NSMCE2: variants seen among roughly 807,000 people sequenced by gnomAD.
The protein encoded by NSMCE2 is E3 SUMO-protein ligase NSE2.
A neutral mutation model predicts 23.8 loss-of-function variants in NSMCE2; 24 were observed. That is an observed-to-expected ratio of 1.01 (90% CI 0.73 to 1.42). The LOEUF is 1.42. Ranked by LOEUF, NSMCE2 falls within the 40% of genes most tolerant of loss-of-function variation. The probability of loss-of-function intolerance (pLI) is 0.00; values close to 1 mark genes in which losing one functional copy is unlikely to be tolerated. For missense variants in NSMCE2, 284 were observed against 296.5 expected, an observed-to-expected ratio of 0.96 and a Z score of 0.31; for synonymous variants, 92 against 94.1, an observed-to-expected ratio of 0.98 and a Z score of 0.13.
chr8:125,116,064 TATCTGTA>T (rs1818993125), intron 3 of NSMCE2, among the ~76,000 whole-genome samples: 1 of 152,192 alleles, frequency 6.6e-6, no homozygotes, highest in African/African-American at 2.4e-5. Flanking sequence ...GACCTCGATT[TATCTGTA>T]GTCTCTTTCC....
intron 4 of NSMCE2, among the ~76,000 whole-genome samples, chr8:125,167,176 G>A (rs1245340191): frequency 6.6e-6 from 1 of 152,196 alleles, no homozygotes. Flanking sequence ...TTTACCACCA[G>A]ATAAGCTTTG....
intron 5 of NSMCE2, among the ~76,000 whole-genome samples, chr8:125,215,723 G>T (rs930400297): frequency 1.3e-4 from 20 of 152,300 alleles, no homozygotes; most frequent in African/African-American, 4.8e-4. Flanking sequence ...AAGGTGTAAG[G>T]AAGGGATCCA....
At chr8:125,316,731 T>TC (rs1563780274) in intron 5 of NSMCE2, among the ~76,000 whole-genome samples, 17 of 18,174 alleles carry the variant, frequency 9.4e-4, no homozygotes, top group African/African-American at 2.2e-3. Flanking sequence ...TCTTTCCTTC[T>TC]TTTCCTTCCT....
chr8:125,192,329 G>GTT (rs34715537), intron 5 of NSMCE2, among the ~76,000 whole-genome samples: 2,792 of 143,022 alleles, frequency 0.02, 38 homozygotes, highest in Non-Finnish European at 0.029. Flanking sequence ...TTTTTAAAAG[G>GTT]TTTTTTTTTT....
chr8:125,296,408 T>TG (rs1828328609), intron 5 of NSMCE2, among the ~76,000 whole-genome samples: 1 of 150,862 alleles, frequency 6.6e-6, no homozygotes, highest in Non-Finnish European at 1.5e-5. Flanking sequence ...TTTTTTTTTT[T>TG]TTTTGAAACG....
intron 5 of NSMCE2, among the ~76,000 whole-genome samples, chr8:125,235,113 C>T (rs890673405): frequency 1.3e-5 from 2 of 151,864 alleles, no homozygotes; most frequent in African/African-American, 4.8e-5. Context: ...TGTTGGCACA[C>T]GCCTGTAATC....
intron 4 of NSMCE2, among the ~76,000 whole-genome samples, chr8:125,168,171 A>G (rs1291293722): frequency 1.3e-5 from 2 of 152,188 alleles, no homozygotes; most frequent in African/African-American, 4.8e-5. Flanking sequence ...TCCTAAGAGC[A>G]TAATGTCTAT....
chr8:125,129,570 G>A (rs1010143054), intron 3 of NSMCE2, among the ~76,000 whole-genome samples: 2 of 151,834 alleles, frequency 1.3e-5, no homozygotes, highest in African/African-American at 4.8e-5. Context: ...GTGTGTGTGT[G>A]TGTGTGTGTC....
At chr8:125,110,462 A>C (rs1818676415) in intron 3 of NSMCE2, among the ~76,000 whole-genome samples, 1 of 152,234 alleles carries the variant, frequency 6.6e-6, no homozygotes, top group Non-Finnish European at 1.5e-5. Context: ...TACATACTTA[A>C]CTGGTGCTCT....
intron 5 of NSMCE2, among the ~76,000 whole-genome samples, chr8:125,235,918 G>A (rs16900457): frequency 0.097 from 14,728 of 152,214 alleles, 918 homozygotes; most frequent in South Asian, 0.17. Context: ...GTAGGTAAGA[G>A]TCCACATTTT....
At chr8:125,158,382 A>AAAAAGGAGAGAAGGAAATGTTTGAGAGG in intron 4 of NSMCE2, among the ~76,000 whole-genome samples, 2 of 152,292 alleles carry the variant, frequency 1.3e-5, no homozygotes, top group East Asian at 3.9e-4. Flanking sequence ...ATGATATGAG[A>AAAAAGGAGAGAAGGAAATGTTTGAGAGG]AAAAGGAGAG....
chr8:125,104,521 G>A (rs1818363228), intron 3 of NSMCE2, among the ~76,000 whole-genome samples: 1 of 152,188 alleles, frequency 6.6e-6, no homozygotes, highest in African/African-American at 2.4e-5. Flanking sequence ...GAATTTGAGT[G>A]TCTCCCGGTC....
intron 5 of NSMCE2, among the ~76,000 whole-genome samples, chr8:125,326,539 G>A (rs1167858350): frequency 6.6e-6 from 1 of 152,050 alleles, no homozygotes; most frequent in Non-Finnish European, 1.5e-5. Flanking sequence ...TCTGAGAATT[G>A]GCATTGTGGG....
intron 4 of NSMCE2, among the ~76,000 whole-genome samples, chr8:125,167,036 T>G (rs1048227318): frequency 6.6e-6 from 1 of 152,030 alleles, no homozygotes; most frequent in Non-Finnish European, 1.5e-5. Context: ...TGTGGATTCC[T>G]CCTCCACTGT....
At chr8:125,326,160 A>G (rs10105854) in intron 5 of NSMCE2, among the ~76,000 whole-genome samples, 66,718 of 151,476 alleles carry the variant, frequency 0.44, 16,957 homozygotes, top group East Asian at 0.55. Context: ...GGGAGGCTGA[A>G]GCAGGAGAAT....
intron 5 of NSMCE2, among the ~76,000 whole-genome samples, chr8:125,194,783 C>G (rs1167541792): frequency 2.0e-5 from 3 of 152,136 alleles, no homozygotes; most frequent in Admixed American, 1.3e-4. Context: ...CTCACCAGCA[C>G]TTGGATTATT....
chr8:125,233,027 C>T (rs996567493), intron 5 of NSMCE2, among the ~76,000 whole-genome samples: 2 of 152,148 alleles, frequency 1.3e-5, no homozygotes, highest in African/African-American at 4.8e-5. Context: ...ACGCAATTGC[C>T]GGCTCTGTCA....
At position 125,182,216 on chromosome 8, in the gene NSMCE2, T is replaced by C; in HGVS notation, c.378T>C (p.Phe126=). Reference sequence around the variant, plus strand: ...CAGACTTTCAAAATAATGAAAAATTTGTACAGTTTAAACAACAGCTGAAAG... The same window carrying C: ...CAGACTTTCAAAATAATGAAAAATTCGTACAGTTTAAACAACAGCTGAAAG... The part of the protein sequence containing the change: ...SDADFQNNEK[F]VQFKQQLKEL... Residue 126 remains phenylalanine (F), a synonymous_variant, in exon 5 of 8, where the codon TTT becomes TTC. Coordinates refer to ENST00000287437, the MANE Select transcript of NSMCE2 (RefSeq NM_173685.4). The C allele has an allele frequency of 6.2e-7, 1 of 1,609,054 alleles. No individual in the cohort carries two copies. The highest frequency in any genetic ancestry group is 8.5e-7 in the Non-Finnish European group (1 of 1,177,702).
chr8:125,304,354 C>A (rs1157683212), intron 5 of NSMCE2, among the ~76,000 whole-genome samples: 2 of 152,068 alleles, frequency 1.3e-5, no homozygotes, highest in Non-Finnish European at 2.9e-5. Context: ...CCTATGGGAG[C>A]CTGTGAAGGT....
Sources: gnomAD v4.1 joint callset for allele counts (sites outside exome capture counted in the v4.1 genomes callset) on GRCh38, gnomAD v4.1.1 for gene constraint, MANE v1.5 for transcripts, NCBI Gene and HGNC (gene_info 2026-07-23, HGNC 2026-07-21) for gene names.